The following MOB3B variants were observed in gnomAD, a reference collection of about 807,000 sequenced individuals.
The protein encoded by MOB3B is MOB kinase activator 3B, also known as MOB kinase activator-like 2B.
In MOB3B, 7 loss-of-function variants were observed where a neutral mutation model predicts 18.7. That is an observed-to-expected ratio of 0.37 (90% confidence interval 0.21 to 0.70). MOB3B has a LOEUF of 0.70. MOB3B is among the 30% of genes least tolerant of loss of function. The pLI is 0.52. For synonymous variants in MOB3B, 111 were observed against 99.9 expected, an observed-to-expected ratio of 1.11 and a Z score of -0.66; for missense variants, 253 against 281.3, an observed-to-expected ratio of 0.90 and a Z score of 0.72.
chr9:27,348,155 A>T (rs1227392110), intron 3 of MOB3B, among the ~76,000 whole-genome samples: 2 of 152,146 alleles, frequency 1.3e-5, no homozygotes, highest in East Asian at 3.9e-4. Flanking sequence ...AGGTAATAGG[A>T]GTTTTCACGG....
chr9:27,370,240 C>T (rs939121545), intron 2 of MOB3B, among the ~76,000 whole-genome samples: 4 of 152,002 alleles, frequency 2.6e-5, no homozygotes, highest in African/African-American at 9.7e-5. Context: ...TGGGCGCGGT[C>T]GCTCAGGCCT....
chr9:27,397,677 A>G (rs1821822396), intron 2 of MOB3B: 1 of 152,206 alleles, frequency 6.6e-6, no homozygotes, highest in Admixed American at 6.5e-5. Context: ...TCATGACTAA[A>G]TATTTTATAA....
At chr9:27,495,639 T>C (rs1446430467) in intron 1 of MOB3B, among the ~76,000 whole-genome samples, 1 of 152,228 alleles carries the variant, frequency 6.6e-6, no homozygotes, top group East Asian at 1.9e-4. Flanking sequence ...CATGAATGTA[T>C]GAAATTCATG....
chr9:27,428,920 C>T (rs1287893827), intron 2 of MOB3B, among the ~76,000 whole-genome samples: 2 of 152,236 alleles, frequency 1.3e-5, no homozygotes, highest in African/African-American at 2.4e-5. Context: ...AATGTCTAAG[C>T]TGGCTTTCCC....
chr9:27,411,117 G>A (rs1418422582), intron 2 of MOB3B, among the ~76,000 whole-genome samples: 1 of 152,090 alleles, frequency 6.6e-6, no homozygotes, highest in Non-Finnish European at 1.5e-5. Flanking sequence ...TTTATAACAG[G>A]GTTTGATACA....
intron 2 of MOB3B, among the ~76,000 whole-genome samples, chr9:27,409,636 T>C (rs1218560217): frequency 6.6e-6 from 1 of 152,150 alleles, no homozygotes; most frequent in Non-Finnish European, 1.5e-5. Context: ...TGTACCTCAA[T>C]GGTCATCTAG....
chr9:27,435,452 A>G (rs916547340), intron 2 of MOB3B, among the ~76,000 whole-genome samples: 1 of 152,172 alleles, frequency 6.6e-6, no homozygotes, highest in Non-Finnish European at 1.5e-5. Context: ...TTTTTTCTCC[A>G]TGACACTGGG....
rs554024881 is a variant in MOB3B, at chr9:27,521,303, A to G, written c.-199+8252T>C. ...AGGAAATTTGGGGTGAGAGGGCTAA[A>G]GATGACAAAACTGTGCATGGCTGAA... On this transcript the variant is annotated intron_variant, in intron 1 of 3. Coordinates refer to ENST00000262244, the MANE Select transcript of MOB3B (RefSeq NM_024761.5). 5.9e-5 allele frequency among the ~76,000 whole-genome samples: 9 copies of G among 152,364 alleles called. No individual in the cohort carries two copies. In the East Asian group the frequency reaches 1.7e-3, roughly 29 times the overall value.
At chr9:27,382,432 C>T (rs1438442073) in intron 2 of MOB3B, among the ~76,000 whole-genome samples, 1 of 152,084 alleles carries the variant, frequency 6.6e-6, no homozygotes, top group Non-Finnish European at 1.5e-5. Flanking sequence ...ACTCTTTCAT[C>T]CAGAAGCTAG....
intron 2 of MOB3B, among the ~76,000 whole-genome samples, chr9:27,453,512 T>C (rs1333506149): frequency 6.6e-6 from 1 of 152,094 alleles, no homozygotes; most frequent in East Asian, 1.9e-4. Context: ...ATTAATTTCT[T>C]CCAAGCAAAG....
In MOB3B at chr9:27,326,622, G is replaced by A. The variant is rs1820715910; in HGVS notation, c.*3965C>T. On this transcript the variant is annotated 3_prime_UTR_variant, in exon 4 of 4. Transcript: ENST00000262244. ...AGGAAGTTACTGGCATGGTTTGAGA[G>A]ATAGAAGGAATTGATTAAGAAACCT... 2 of 398,312 alleles carry A rather than the reference G, an allele frequency of 5.0e-6. No homozygotes were observed. The highest frequency in any genetic ancestry group is 2.1e-5 in the African/African-American group (1 of 48,594). 24.7% of individuals were successfully genotyped at this position (398,312 alleles called of 1,614,324 possible).
intron 1 of MOB3B, among the ~76,000 whole-genome samples, chr9:27,520,967 A>T (rs940616596): frequency 1.1e-4 from 16 of 152,220 alleles, no homozygotes; most frequent in Admixed American, 6.5e-4. Context: ...AGGCAATCCT[A>T]ATGGTGGGAG....
chr9:27,370,781 G>C (rs1821404672), intron 2 of MOB3B, among the ~76,000 whole-genome samples: 1 of 152,206 alleles, frequency 6.6e-6, no homozygotes, highest in African/African-American at 2.4e-5. Context: ...ATAGAAACCT[G>C]AGTTGTGCGG....
intron 2 of MOB3B, among the ~76,000 whole-genome samples, chr9:27,406,992 C>T (rs1185121062): frequency 6.6e-6 from 1 of 152,122 alleles, no homozygotes; most frequent in African/African-American, 2.4e-5. Context: ...GCAGCTGCCA[C>T]CATGCCTGGC....
intron 1 of MOB3B, among the ~76,000 whole-genome samples, chr9:27,506,276 C>G (rs1820057556): frequency 6.6e-6 from 1 of 152,172 alleles, no homozygotes; most frequent in Non-Finnish European, 1.5e-5. Context: ...AATTAAGAGG[C>G]TTTTAATTCA....
intron 1 of MOB3B, among the ~76,000 whole-genome samples, chr9:27,506,832 A>ATTTTTTTTTTTTTT (rs71492749): frequency 1.7e-5 from 2 of 120,484 alleles, no homozygotes; most frequent in African/African-American, 3.1e-5. Flanking sequence ...ACCCCGGCTA[A>ATTTTTTTTTTTTTT]TTTTTTTTTT....
intron 3 of MOB3B, among the ~76,000 whole-genome samples, chr9:27,342,821 T>G (rs935274868): frequency 6.6e-6 from 1 of 151,338 alleles, no homozygotes; most frequent in Non-Finnish European, 1.5e-5. Context: ...CGCTACAACC[T>G]CCACCTCCCA....
intron 1 of MOB3B, among the ~76,000 whole-genome samples, chr9:27,499,181 C>A (rs1819949119): frequency 6.6e-6 from 1 of 152,058 alleles, no homozygotes; most frequent in South Asian, 2.1e-4. Context: ...TAAATATTGA[C>A]AATTATATTT....
At chr9:27,474,385 C>G (rs968256254) in intron 1 of MOB3B, among the ~76,000 whole-genome samples, 4 of 152,204 alleles carry the variant, frequency 2.6e-5, no homozygotes, top group Non-Finnish European at 5.9e-5. Context: ...TCAAGTGGAA[C>G]TTCCCTAGAC....
Sources: gnomAD v4.1 joint callset for allele counts (sites outside exome capture counted in the v4.1 genomes callset) on GRCh38, gnomAD v4.1.1 for gene constraint, MANE v1.5 for transcripts, NCBI Gene and HGNC (gene_info 2026-07-23, HGNC 2026-07-21) for gene names.